B9D1: variants seen among roughly 807,000 people sequenced by gnomAD.
The protein encoded by B9D1 is B9 domain-containing protein 1.
B9D1 carries 20 observed loss-of-function variants against 26.1 expected under a neutral mutation model. That is an observed-to-expected ratio of 0.77 (90% CI 0.54 to 1.12). The LOEUF is 1.12. Ranked by LOEUF, B9D1 falls within the 50% of genes most tolerant of loss-of-function variation. The pLI, the probability that B9D1 is intolerant of heterozygous loss-of-function variation, is 0.00. For missense variants in B9D1, 260 were observed against 273.7 expected (o/e 0.95, Z 0.35); for synonymous variants, 105 against 103.1 (o/e 1.02, Z -0.11).
At chr17:19,351,234 A>C (rs1050248189) in intron 3 of B9D1, among the ~76,000 whole-genome samples, 1 of 152,076 alleles carries the variant, frequency 6.6e-6, no homozygotes, top group Non-Finnish European at 1.5e-5. Context: ...GGCCTCAAGC[A>C]ATCTTCCCAC....
rs564343978 is a variant in B9D1 at position 19,377,357 on chromosome 17, A to G, written c.-298+502T>C. Among the ~76,000 whole-genome samples, 21 of 152,346 alleles carry G rather than the reference A, an allele frequency of 1.4e-4. No homozygotes were observed. In the South Asian group the frequency reaches 4.4e-3, roughly 32 times the overall value. Reference sequence around the variant, plus strand: ...AAAAACACTGAATTGTACACTATAAAAGGATGAGTTTTATGGTATGTTATT... The same window carrying G: ...AAAAACACTGAATTGTACACTATAAGAGGATGAGTTTTATGGTATGTTATT... On this transcript the variant is annotated intron_variant, in intron 1 of 5. Transcript: ENST00000477478.
At chr17:19,367,202 T>A (rs887330875), upstream of B9D1, among the ~76,000 whole-genome samples, 3 of 152,210 alleles carry the variant, frequency 2.0e-5, no homozygotes, top group Non-Finnish European at 4.4e-5. Context: ...CATGGCAGAT[T>A]TGCCTCTGAG....
intron 1 of B9D1, 134 bp downstream of exon 1, chr17:19,362,373 C>T: frequency 1.5e-6 from 1 of 656,860 alleles, no homozygotes; most frequent in Non-Finnish European, 2.5e-6. Context: ...ATGCTGGCTC[C>T]CCTCCCCCGC....
downstream of B9D1, among the ~76,000 whole-genome samples, chr17:19,340,228 T>C (rs1907809537): frequency 6.6e-6 from 1 of 152,094 alleles, no homozygotes; most frequent in Admixed American, 6.5e-5. Flanking sequence ...TGGAGTGCAG[T>C]GGCACAGTCT....
chr17:19,377,287 C>A (rs897594703), intron 1 of B9D1, among the ~76,000 whole-genome samples: 8 of 152,114 alleles, frequency 5.3e-5, no homozygotes, highest in African/African-American at 1.7e-4. Context: ...ACCACTCTAC[C>A]TAAAATTAGG....
chr17:19,376,858 T>G (rs1233826063), intron 1 of B9D1, among the ~76,000 whole-genome samples: 2 of 151,128 alleles, frequency 1.3e-5, no homozygotes, highest in East Asian at 3.9e-4. Flanking sequence ...AAACCCTAGG[T>G]CTCCACAACC....
Position 19,347,922 on chromosome 17 carries a change from CA to C in B9D1, c.245-43del, listed in dbSNP as rs536966537. On this transcript the variant is annotated intron_variant, in intron 3 of 6. Transcript: ENST00000261499. This position sits in a 1 kb window ranked among gnomAD's most constrained non-coding sequence, Gnocchi z 4.3. ...CAGGGGGTGGGCACATGAGGACACA[CA>C]GGGGAGGTGCAGGGCAGAGAACAGG... 11,106 of 1,557,934 alleles carry C rather than the reference CA, an allele frequency of 7.1e-3. 68 individuals are homozygous for C. Among genetic ancestry groups the C allele is most frequent in the South Asian group, 8.7e-3 (784 of 89,730 alleles).
chr17:19,352,978 ACTT>A (rs1488042787), intron 3 of B9D1, among the ~76,000 whole-genome samples: 1 of 144,470 alleles, frequency 6.9e-6, no homozygotes, highest in African/African-American at 2.5e-5. Context: ...TTCTTTTACT[ACTT>A]CTTTTTTTTT....
chr17:19,360,892 T>C (rs1910965105), intron 1 of B9D1, among the ~76,000 whole-genome samples: 1 of 152,154 alleles, frequency 6.6e-6, no homozygotes, highest in African/African-American at 2.4e-5. Context: ...AACCAGTCCG[T>C]GGCCTGTTAG....
intron 1 of B9D1, among the ~76,000 whole-genome samples, chr17:19,376,158 G>A (rs9914861): frequency 1.3e-5 from 2 of 152,126 alleles, no homozygotes; most frequent in Non-Finnish European, 2.9e-5. Context: ...TCCACAATAC[G>A]CAAGTCCATA....
Position 19,347,075 on chromosome 17 carries a change from C to A in B9D1, c.404+194G>T, listed in dbSNP as rs571251853. ...CAGGGCACAGGGTAAAATCGCCCGG[C>A]CTTCTGCTGCTGGAACAGGGCTGAA... On this transcript the variant is annotated intron_variant, in intron 5 of 6. Coordinates refer to ENST00000261499, the MANE Select transcript of B9D1 (RefSeq NM_015681.6). This position sits in a 1 kb window ranked among gnomAD's most constrained non-coding sequence, Gnocchi z 4.3. 3.3e-5 allele frequency: 51 copies of A among 1,553,000 alleles called. No homozygotes were observed. In the Admixed American group the frequency reaches 8.2e-4, roughly 25 times the overall value.
intron 2 of B9D1, among the ~76,000 whole-genome samples, chr17:19,358,317 G>A (rs1910622913): frequency 6.6e-6 from 1 of 152,106 alleles, no homozygotes; most frequent in Non-Finnish European, 1.5e-5. Context: ...ACGTAAATGT[G>A]TTTTCTCCAT....
intron 3 of B9D1, among the ~76,000 whole-genome samples, chr17:19,353,299 AATCATTAATTTTTCAG>A (rs1909896305): frequency 6.6e-6 from 1 of 152,114 alleles, no homozygotes; most frequent in Non-Finnish European, 1.5e-5. Context: ...GAGATGCTGA[AATCATTAATTTTTCAG>A]CCTATTTTCT....
chr17:19,366,769 C>T (rs116913981), upstream of B9D1, among the ~76,000 whole-genome samples: 3 of 152,234 alleles, frequency 2.0e-5, no homozygotes, highest in East Asian at 5.8e-4. Flanking sequence ...TGCAGGCACT[C>T]GGCTGAATTT....
At chr17:19,351,059 A>C (rs1397988283) in intron 3 of B9D1, among the ~76,000 whole-genome samples, 1 of 152,058 alleles carries the variant, frequency 6.6e-6, no homozygotes, top group Non-Finnish European at 1.5e-5. Context: ...GGCTGGTCTC[A>C]AATTCCTGAC....
chr17:19,355,719 A>T (rs1021892664), intron 3 of B9D1, among the ~76,000 whole-genome samples: 3 of 152,016 alleles, frequency 2.0e-5, no homozygotes, highest in African/African-American at 7.2e-5. Flanking sequence ...CTGTAGTCCC[A>T]GCTACTCGAG....
At chr17:19,367,528 G>A (rs1382153029), upstream of B9D1, among the ~76,000 whole-genome samples, 1 of 152,042 alleles carries the variant, frequency 6.6e-6, no homozygotes, top group Admixed American at 6.5e-5. Context: ...GCCAGGCTGG[G>A]CTCAAAGTCC....
Position 19,347,853 on chromosome 17 carries a change from C to T in B9D1, c.272G>A (p.Gly91Glu). ...CACATCGTTCCCGAACACATCTGGTCCATACACGCTGAGCACGATCTGTGG... is the reference window on the plus strand; with the variant it reads ...CACATCGTTCCCGAACACATCTGGTTCATACACGCTGAGCACGATCTGTGG... Reference protein sequence around the residue: ...GWPQIVLSVYGPDVFGNDVVR... With the variant: ...GWPQIVLSVYEPDVFGNDVVR... The change falls in exon 4 of 7, where the codon GGA (glycine) becomes GAA (glutamate). Residue 91 changes from glycine (G) to glutamate (E), a missense_variant. Coordinates refer to ENST00000261499, the MANE Select transcript of B9D1 (RefSeq NM_015681.6). The surrounding 1 kb of genome is among the most constrained non-coding windows in gnomAD (Gnocchi z 4.3). The T allele has an allele frequency of 6.2e-7, 1 of 1,614,128 alleles. No homozygotes were observed. The highest frequency in any genetic ancestry group is 1.7e-4 in the Middle Eastern group (1 of 6,060).
In B9D1 at chr17:19,347,888, A is replaced by AG; in HGVS notation, c.245-9dup. ...TGAGCACGATCTGTGGCCCTTGGGA[A>AG]GGACAAGGCAGGGGGTGGGCACATG... On this transcript the variant is annotated splice_polypyrimidine_tract_variant and intron_variant, in intron 3 of 6. Coordinates refer to ENST00000261499, the MANE Select transcript of B9D1 (RefSeq NM_015681.6). The surrounding 1 kb of genome is among the most constrained non-coding windows in gnomAD (Gnocchi z 4.3). 2 of 1,613,322 alleles carry AG rather than the reference A, an allele frequency of 1.2e-6. No homozygotes were observed. The highest frequency in any genetic ancestry group is 1.7e-6 in the Non-Finnish European group (2 of 1,179,432).
Sources: gnomAD v4.1 joint callset for allele counts (sites outside exome capture counted in the v4.1 genomes callset) on GRCh38, gnomAD v4.1.1 for gene constraint, Gnocchi (gnomAD v3.1) non-coding constraint, MANE v1.5 for transcripts, NCBI Gene and HGNC (gene_info 2026-07-23, HGNC 2026-07-21) for gene names.